Variants in PDE1A observed in about 807,000 individuals in gnomAD.
PDE1A encodes phosphodiesterase 1A, also known as dual specificity calcium/calmodulin-dependent 3',5'-cyclic nucleotide phosphodiesterase 1A.
Under a neutral mutation model 61.7 loss-of-function variants are expected in PDE1A, and 35 were observed. That is an observed-to-expected ratio of 0.57 (90% confidence interval 0.43 to 0.75). PDE1A has a LOEUF of 0.75. PDE1A is among the 30% of genes least tolerant of loss of function. The probability of loss-of-function intolerance (pLI) is 0.00; values close to 1 mark genes in which losing one functional copy is unlikely to be tolerated. For missense variants in PDE1A, 597 were observed against 630.6 expected (o/e 0.95, Z 0.57); for synonymous variants, 232 against 213.2 (o/e 1.09, Z -0.77).
chr2:182,402,111 T>A (rs35836000), intron 1 of PDE1A, among the ~76,000 whole-genome samples: 8 of 152,176 alleles, frequency 5.3e-5, no homozygotes, highest in Non-Finnish European at 1.0e-4. Flanking sequence ...AAGTAATTTA[T>A]AGATTCAATG....
chr2:182,506,317 T>G (rs1363888531), intron 2 of PDE1A, among the ~76,000 whole-genome samples: 1 of 152,200 alleles, frequency 6.6e-6, no homozygotes, highest in Admixed American at 6.5e-5. Flanking sequence ...CTTTACAACT[T>G]ATATCTTATT....
chr2:182,426,038 C>T (rs1218220147), intron 1 of PDE1A, among the ~76,000 whole-genome samples: 1 of 152,186 alleles, frequency 6.6e-6, no homozygotes, highest in African/African-American at 2.4e-5. Context: ...TTTGCCTGGT[C>T]ACAGATTCCA....
the PDE1A span, among the ~76,000 whole-genome samples, chr2:182,693,833 G>C: frequency 6.6e-6 from 1 of 151,912 alleles, no homozygotes; most frequent in Non-Finnish European, 1.5e-5. Context: ...TTTTAGTAGA[G>C]ACAGCATTTT....
At chr2:182,311,276 T>C (rs1695951516) in intron 1 of PDE1A, among the ~76,000 whole-genome samples, 1 of 152,246 alleles carries the variant, frequency 6.6e-6, no homozygotes. Context: ...CACTTCAGCA[T>C]GTCCCAGTTT....
At chr2:182,427,136 A>G (rs1177912558), upstream of PDE1A, 3 of 329,878 alleles carry the variant, frequency 9.1e-6, no homozygotes, top group African/African-American at 2.2e-5. Context: ...CCATGTGAGT[A>G]CCCTCTGAAA....
At chr2:182,223,928 A>C in exon 7 of PDE1A, 1 of 1,606,534 alleles carries the variant, frequency 6.2e-7, no homozygotes. Flanking sequence ...GCAGCAGCAA[A>C]GACCATTGCT....
intron 13 of PDE1A, among the ~76,000 whole-genome samples, chr2:182,179,234 T>G (rs1315841850): frequency 6.6e-6 from 1 of 152,180 alleles, no homozygotes; most frequent in African/African-American, 2.4e-5. Flanking sequence ...AAAACACTAA[T>G]ATTTAAAAAG....
chr2:182,431,121 TAAAAAA>T (rs538631665), upstream of PDE1A, among the ~76,000 whole-genome samples: 5 of 121,518 alleles, frequency 4.1e-5, no homozygotes, highest in African/African-American at 1.5e-4. Flanking sequence ...AAAAAAACAT[TAAAAAA>T]AAAAAAAAAA....
chr2:182,277,578 C>A (rs1693516302), intron 1 of PDE1A, among the ~76,000 whole-genome samples: 1 of 152,054 alleles, frequency 6.6e-6, no homozygotes, highest in South Asian at 2.1e-4. Context: ...GCAAACAAAG[C>A]AAGTAACTTG....
intron 1 of PDE1A, among the ~76,000 whole-genome samples, chr2:182,373,720 G>A (rs76816603): frequency 0.019 from 2,897 of 152,206 alleles, 102 homozygotes; most frequent in African/African-American, 0.066. Context: ...TAGTAAGGCT[G>A]AAAAATGAAT....
chr2:182,683,978 C>G, the PDE1A span, among the ~76,000 whole-genome samples: 5 of 151,888 alleles, frequency 3.3e-5, no homozygotes, highest in Non-Finnish European at 7.4e-5. Flanking sequence ...AAAAAATTAG[C>G]TGGGTGTGGT....
chr2:182,599,373 T>C, the PDE1A span, among the ~76,000 whole-genome samples: 4 of 151,732 alleles, frequency 2.6e-5, no homozygotes, highest in African/African-American at 9.7e-5. Flanking sequence ...TGGACGCTCA[T>C]CTGCAAAAGC....
intron 4 of PDE1A, among the ~76,000 whole-genome samples, chr2:182,233,450 C>G (rs954938179): frequency 4.6e-5 from 7 of 151,838 alleles, no homozygotes; most frequent in African/African-American, 1.5e-4. Flanking sequence ...ATAAAAAAAG[C>G]ACCAAAGAAA....
At chr2:182,650,688 T>G in the PDE1A span, among the ~76,000 whole-genome samples, 1 of 152,204 alleles carries the variant, frequency 6.6e-6, no homozygotes, top group South Asian at 2.1e-4. Context: ...GGGATAACAA[T>G]TATACCTATA....
intron 2 of PDE1A, among the ~76,000 whole-genome samples, chr2:182,433,491 T>C (rs1704057143): frequency 6.6e-6 from 1 of 152,096 alleles, no homozygotes; most frequent in African/African-American, 2.4e-5. Context: ...CCCTTGATCA[T>C]GTATATCAGG....
chr2:182,249,856 T>C (rs1691270342), intron 2 of PDE1A, among the ~76,000 whole-genome samples: 1 of 152,150 alleles, frequency 6.6e-6, no homozygotes, highest in South Asian at 2.1e-4. Flanking sequence ...ATTGCTTTCT[T>C]ACTAAGAACC....
At chr2:182,248,311 G>A (rs932483279) in intron 2 of PDE1A, among the ~76,000 whole-genome samples, 2 of 151,182 alleles carry the variant, frequency 1.3e-5, no homozygotes, top group Admixed American at 6.6e-5. Context: ...AAAAAGAAAC[G>A]ATAAGGAATA....
chr2:182,205,886 T>C, intron 8 of PDE1A, 54 bp downstream of exon 8: 5 of 1,510,824 alleles, frequency 3.3e-6, no homozygotes. Context: ...TTAAATCGCA[T>C]AATTTATTCC....
chr2:182,711,255 CAG>C, the PDE1A span, among the ~76,000 whole-genome samples: 1 of 152,076 alleles, frequency 6.6e-6, no homozygotes, highest in South Asian at 2.1e-4. Context: ...GGCAATCACA[CAG>C]GGGATGATGG....
Sources: gnomAD v4.1 joint callset for allele counts (sites outside exome capture counted in the v4.1 genomes callset) on GRCh38, gnomAD v4.1.1 for gene constraint, MANE v1.5 for transcripts, NCBI Gene and HGNC (gene_info 2026-07-23, HGNC 2026-07-21) for gene names.